The following LRP1B variants were observed in gnomAD, a reference collection of about 807,000 sequenced individuals.
LRP1B encodes the protein LDL receptor related protein 1B, also known as low-density lipoprotein receptor-related protein 1B.
Under a neutral mutation model 556.6 loss-of-function variants are expected in LRP1B, and 217 were observed. The observed-to-expected ratio is 0.39, with a 90% CI of 0.35 to 0.44. The LOEUF (loss-of-function observed/expected upper bound fraction) is 0.44, where lower values mean the gene tolerates loss of function less well. LRP1B is among the 20% of genes least tolerant of loss of function. The pLI is 1.00. For synonymous variants in LRP1B, 2,047 were observed against 1,865.8 expected, an observed-to-expected ratio of 1.10 and a Z score of -2.50; for missense variants, 5,053 against 5,620.8, an observed-to-expected ratio of 0.90 and a Z score of 3.23.
intron 41 of LRP1B, among the ~76,000 whole-genome samples, chr2:140,666,455 C>T (rs1685279552): frequency 6.6e-6 from 1 of 151,980 alleles, no homozygotes; most frequent in Non-Finnish European, 1.5e-5. Flanking sequence ...ATGTAGTTCA[C>T]TTATAAGCCA....
At chr2:141,453,683 C>T (rs555680745) in intron 3 of LRP1B, among the ~76,000 whole-genome samples, 97 of 152,158 alleles carry the variant, frequency 6.4e-4, no homozygotes, top group African/African-American at 2.0e-3. Flanking sequence ...TTTGGGAAGC[C>T]GAGGCAGGTG....
At chr2:141,044,694 G>A (rs1698814365) in intron 11 of LRP1B, among the ~76,000 whole-genome samples, 1 of 151,640 alleles carries the variant, frequency 6.6e-6, no homozygotes, top group African/African-American at 2.4e-5. Context: ...GGCCATCAGA[G>A]AAATGCAAAT....
At chr2:140,318,527 TACCTACCTC>T (rs1267845814) in intron 82 of LRP1B, among the ~76,000 whole-genome samples, 1 of 152,172 alleles carries the variant, frequency 6.6e-6, no homozygotes, top group African/African-American at 2.4e-5. Flanking sequence ...TTCATTTTCT[TACCTACCTC>T]AAAGTGACAT....
chr2:140,433,373 C>T (rs1686036386), intron 66 of LRP1B, among the ~76,000 whole-genome samples: 1 of 152,130 alleles, frequency 6.6e-6, no homozygotes, highest in African/African-American at 2.4e-5. Context: ...GCTAGAAGTA[C>T]AAGCGTGAGC....
intron 6 of LRP1B, among the ~76,000 whole-genome samples, 165 bp from the exon 7 acceptor site, chr2:141,188,748 A>G (rs570566808): frequency 2.0e-5 from 3 of 152,164 alleles, no homozygotes. Context: ...ATGTGACTTA[A>G]TAATTATGTA....
chr2:140,708,190 A>C (rs2105443946), intron 37 of LRP1B, among the ~76,000 whole-genome samples: 1 of 152,168 alleles, frequency 6.6e-6, no homozygotes, highest in African/African-American at 2.4e-5. Context: ...TAGGGGCTTG[A>C]ACAATGATAA....
At chr2:140,287,956 C>G (rs149538820) in intron 84 of LRP1B, among the ~76,000 whole-genome samples, 101 of 151,840 alleles carry the variant, frequency 6.7e-4, no homozygotes, top group African/African-American at 2.2e-3. Context: ...TTTATTTAAT[C>G]AGATTTATGA....
intron 1 of LRP1B, among the ~76,000 whole-genome samples, chr2:142,048,732 T>C (rs556807417): frequency 6.6e-6 from 1 of 152,124 alleles, no homozygotes; most frequent in South Asian, 2.1e-4. Flanking sequence ...AGGCAAATAA[T>C]GTGACACTGA....
chr2:140,254,722 G>A (rs1266249897), intron 86 of LRP1B, among the ~76,000 whole-genome samples: 2 of 151,826 alleles, frequency 1.3e-5, no homozygotes, highest in Non-Finnish European at 2.9e-5. Context: ...CCCGGCTGAT[G>A]TTTGTAATTT....
chr2:141,078,995 G>C (rs1036099413), intron 7 of LRP1B, among the ~76,000 whole-genome samples: 14 of 152,002 alleles, frequency 9.2e-5, no homozygotes, highest in African/African-American at 2.9e-4. Context: ...GTAATTACAG[G>C]GTTTGGTTTA....
rs191414670 is a variant in LRP1B, at chr2:140,940,753, T to C, written c.3136+9482A>G. 6.6e-5 allele frequency among the ~76,000 whole-genome samples: 10 copies of C among 152,280 alleles called. No homozygotes were observed. In the East Asian group the frequency reaches 1.4e-3, roughly 21 times the overall value. ...CATACATGTGCATGTATCATTATAA[T>C]AGAATGATTTATAATCCTTTGGGTA... On this transcript the variant is annotated intron_variant, in intron 20 of 90. Transcript: ENST00000389484.
intron 37 of LRP1B, among the ~76,000 whole-genome samples, chr2:140,715,358 A>G (rs562350059): frequency 2.6e-5 from 4 of 152,206 alleles, no homozygotes; most frequent in African/African-American, 9.6e-5. Context: ...AGATAAAGAT[A>G]GAGGGTGTTG....
At position 142,083,995 on chromosome 2, in the gene LRP1B, T is replaced by C. The variant is rs187924350; in HGVS notation, c.82+46653A>G. Among the ~76,000 whole-genome samples the C allele has an allele frequency of 3.4e-3, 524 of 152,124 alleles. 2 individuals are homozygous for C. The highest frequency in any genetic ancestry group is 0.011 in the African/African-American group (474 of 41,508). On this transcript the variant is annotated intron_variant, in intron 1 of 90. Coordinates refer to ENST00000389484, the MANE Select transcript of LRP1B (RefSeq NM_018557.3). The stretch of plus-strand genomic sequence containing the variant: ...ATTTTCTCTATGCCTTTTTTTTTTT[T>C]TTGAGATGGAGTCTCATTCTGTCTC...
intron 3 of LRP1B, among the ~76,000 whole-genome samples, chr2:141,475,305 T>G (rs1253921696): frequency 6.6e-6 from 1 of 152,096 alleles, no homozygotes; most frequent in Admixed American, 6.6e-5. Context: ...AGGGGGAGGT[T>G]GCCATAAGCT....
chr2:142,025,039 G>GA (rs1703460599), intron 1 of LRP1B, among the ~76,000 whole-genome samples: 1 of 152,026 alleles, frequency 6.6e-6, no homozygotes, highest in South Asian at 2.1e-4. Flanking sequence ...CAAAGCAGAG[G>GA]AAATTGATGT....
Position 142,096,439 on chromosome 2 carries a change from AT to A in LRP1B, c.82+34208del, listed in dbSNP as rs10631216. Among the ~76,000 whole-genome samples, 782 of 146,724 alleles carry A rather than the reference AT, an allele frequency of 5.3e-3. 4 individuals are homozygous for A. Among genetic ancestry groups the A allele is most frequent in the East Asian group, 0.015 (76 of 5,036 alleles). On this transcript the variant is annotated intron_variant, in intron 1 of 90. Coordinates refer to ENST00000389484, the MANE Select transcript of LRP1B (RefSeq NM_018557.3). The stretch of plus-strand genomic sequence containing the variant: ...TCACATGACCACGAAAATAAATTGT[AT>A]TTTTTTTTTTTTACAAATTCTATTC...
intron 66 of LRP1B, among the ~76,000 whole-genome samples, chr2:140,396,360 T>C (rs1437328009): frequency 2.0e-5 from 3 of 152,232 alleles, no homozygotes; most frequent in Non-Finnish European, 2.9e-5. Context: ...TATATTTGTC[T>C]AGCTTGTCTG....
At chr2:141,774,423 G>A (rs1211996122) in intron 2 of LRP1B, among the ~76,000 whole-genome samples, 1 of 152,050 alleles carries the variant, frequency 6.6e-6, no homozygotes, top group African/African-American at 2.4e-5. Context: ...GCCAGATCTT[G>A]TGTGCACTAA....
chr2:140,952,548 AT>A (rs1391840583), intron 18 of LRP1B, among the ~76,000 whole-genome samples: 2 of 152,168 alleles, frequency 1.3e-5, no homozygotes, highest in African/African-American at 2.4e-5. Context: ...CGAAAAAAAA[AT>A]AGCAAAGAAT....
Sources: gnomAD v4.1 joint callset for allele counts (sites outside exome capture counted in the v4.1 genomes callset) on GRCh38, gnomAD v4.1.1 for gene constraint, MANE v1.5 for transcripts, NCBI Gene and HGNC (gene_info 2026-07-23, HGNC 2026-07-21) for gene names.